Variants in AP3S2 observed in about 807,000 individuals in gnomAD.
AP3S2 encodes the protein AP-3 complex subunit sigma-2.
In AP3S2, 22 loss-of-function variants were observed where a neutral mutation model predicts 23.4. That is an observed-to-expected ratio of 0.94 (90% confidence interval 0.67 to 1.34). AP3S2 has a LOEUF of 1.34. Among genes scored for constraint, AP3S2 ranks in the 40% most tolerant of loss-of-function variants. The pLI, the probability that AP3S2 is intolerant of heterozygous loss-of-function variation, is 0.00. For missense variants in AP3S2, 241 were observed against 236.9 expected, an observed-to-expected ratio of 1.02 and a Z score of -0.11; for synonymous variants, 86 against 87.1, an observed-to-expected ratio of 0.99 and a Z score of 0.07.
intron 4 of AP3S2, among the ~76,000 whole-genome samples, chr15:89,856,586 C>T (rs1387487198): frequency 6.6e-6 from 1 of 151,800 alleles, no homozygotes; most frequent in Non-Finnish European, 1.5e-5. Context: ...CCTGTAATCC[C>T]AGCTACTCGG....
At chr15:89,878,635 A>G (rs1219785414) in intron 3 of AP3S2, among the ~76,000 whole-genome samples, 1 of 151,994 alleles carries the variant, frequency 6.6e-6, no homozygotes, top group East Asian at 1.9e-4. Flanking sequence ...ATCATAGCTC[A>G]CTGCAGCCCT....
intron 3 of AP3S2, among the ~76,000 whole-genome samples, chr15:89,881,698 T>C (rs1429286317): frequency 1.3e-5 from 2 of 152,166 alleles, no homozygotes; most frequent in Non-Finnish European, 2.9e-5. Context: ...GCATGATTAA[T>C]AAAAATTCAA....
At chr15:89,836,973 G>A (rs1356133527) in intron 5 of AP3S2, among the ~76,000 whole-genome samples, 1 of 152,164 alleles carries the variant, frequency 6.6e-6, no homozygotes, top group Non-Finnish European at 1.5e-5. Context: ...TTCTGCATGT[G>A]AAAGTATACG....
chr15:89,844,445 C>G (rs1299994852), intron 4 of AP3S2, among the ~76,000 whole-genome samples: 1 of 151,850 alleles, frequency 6.6e-6, no homozygotes, highest in African/African-American at 2.4e-5. Context: ...TCCAGCAATC[C>G]TCCTGCCTCA....
chr15:89,855,410 G>T (rs1895803282), intron 4 of AP3S2, among the ~76,000 whole-genome samples: 1 of 83,914 alleles, frequency 1.2e-5, no homozygotes, highest in African/African-American at 4.5e-5. Context: ...AGGGTCCTCT[G>T]CCTAGGAAAA....
chr15:89,846,619 C>G (rs562356876), intron 4 of AP3S2, among the ~76,000 whole-genome samples: 1 of 152,072 alleles, frequency 6.6e-6, no homozygotes, highest in Non-Finnish European at 1.5e-5. Context: ...ATCCGCCTCC[C>G]GGGTTCAAGC....
rs1895120964 is a variant in AP3S2, at chr15:89,833,361, A to C, written c.*2154T>G. ...TATCTATAAAAAAGAAGATGATAAC[A>C]TTGGGAGAAGCCATCTTAAGCAGCG... On this transcript the variant is annotated 3_prime_UTR_variant, in exon 6 of 6. Transcript: ENST00000336418. The C allele has an allele frequency of 6.6e-6, 1 of 152,202 alleles. No individual in the cohort carries two copies. Among genetic ancestry groups the C allele is most frequent in the African/African-American group, 2.4e-5 (1 of 41,440 alleles). 9.4% of individuals were successfully genotyped at this position (152,202 alleles called of 1,614,324 possible).
At chr15:89,845,559 A>T (rs569083324) in intron 4 of AP3S2, 1 of 152,366 alleles carries the variant, frequency 6.6e-6, no homozygotes, top group African/African-American at 2.4e-5. Context: ...AGAACTGGAG[A>T]TAGAGTCAGG....
intron 3 of AP3S2, 150 bp from the exon 4 acceptor site, chr15:89,871,696 G>C: frequency 1.3e-6 from 1 of 767,624 alleles, no homozygotes; most frequent in Non-Finnish European, 2.0e-6. Flanking sequence ...TTTGTCTCCA[G>C]CATTAGCTGA....
chr15:89,841,086 A>G (rs527252602), intron 4 of AP3S2, among the ~76,000 whole-genome samples: 5 of 152,352 alleles, frequency 3.3e-5, no homozygotes, highest in African/African-American at 1.2e-4. Flanking sequence ...GACTTCGAAG[A>G]TAGACAACAG....
intron 4 of AP3S2, among the ~76,000 whole-genome samples, chr15:89,844,227 CTTTCTTTCTT>C (rs1414890918): frequency 3.8e-5 from 2 of 52,746 alleles, no homozygotes; most frequent in Non-Finnish European, 7.8e-5. Flanking sequence ...TTCTTTCTTT[CTTTCTTTCTT>C]TCTTTCTTTC....
At position 89,832,088 on chromosome 15, in the gene AP3S2, G is replaced by A. The variant is rs1233923701; in HGVS notation, c.*3427C>T. 1.3e-5 allele frequency: 2 copies of A among 152,130 alleles called. No individual in the cohort carries two copies. The highest frequency in any genetic ancestry group is 4.8e-5 in the African/African-American group (2 of 41,404). 9.4% of individuals were successfully genotyped at this position (152,130 alleles called of 1,614,324 possible). On this transcript the variant is annotated 3_prime_UTR_variant, in exon 6 of 6. Coordinates refer to ENST00000336418, the MANE Select transcript of AP3S2 (RefSeq NM_005829.5). ...CTAGAACTGAGCTTGGCCCTCACCA[G>A]GCACTTAGAAATTGCATAATGAAAG... is the stretch of plus-strand genomic sequence containing the variant.
chr15:89,842,380 C>G (rs1025511833), intron 4 of AP3S2, among the ~76,000 whole-genome samples: 1 of 152,126 alleles, frequency 6.6e-6, no homozygotes, highest in African/African-American at 2.4e-5. Context: ...GGATTGGGGT[C>G]TACACACTGA....
At chr15:89,846,715 A>G (rs1397153472) in intron 4 of AP3S2, among the ~76,000 whole-genome samples, 2 of 152,086 alleles carry the variant, frequency 1.3e-5, no homozygotes, top group African/African-American at 4.8e-5. Context: ...TTTAGTAGAG[A>G]CAGGGTTTCA....
At position 89,837,733 on chromosome 15, in the gene AP3S2, A is replaced by G. The variant is rs1895230691; in HGVS notation, c.346-11T>C. 2 of 1,613,830 alleles carry G rather than the reference A, an allele frequency of 1.2e-6. No homozygotes were observed. The highest frequency in any genetic ancestry group is 3.3e-5 in the Admixed American group (2 of 59,996). On this transcript the variant is annotated splice_polypyrimidine_tract_variant and intron_variant, in intron 4 of 5. Transcript: ENST00000336418. ...GAGGATGTAGTGCACCTAAAAGGGAAGCAAAAATCAGGAGTCAGAATACTC... is the reference window on the plus strand; with the variant it reads ...GAGGATGTAGTGCACCTAAAAGGGAGGCAAAAATCAGGAGTCAGAATACTC...
At chr15:89,870,373 A>C (rs1896290122) in intron 4 of AP3S2, among the ~76,000 whole-genome samples, 1 of 152,194 alleles carries the variant, frequency 6.6e-6, no homozygotes, top group Admixed American at 6.5e-5. Context: ...TGAGGTTGTC[A>C]GGGAGTCCAA....
At chr15:89,868,629 G>A (rs1288526211) in intron 4 of AP3S2, among the ~76,000 whole-genome samples, 70 of 117,084 alleles carry the variant, frequency 6.0e-4, no homozygotes, top group African/African-American at 2.0e-3. Flanking sequence ...CCTCTGCCCG[G>A]CCGCCCCTAC....
chr15:89,885,327 C>A (rs1896671919), intron 3 of AP3S2, among the ~76,000 whole-genome samples: 1 of 152,032 alleles, frequency 6.6e-6, no homozygotes, highest in Non-Finnish European at 1.5e-5. Context: ...CCCAAACAGC[C>A]AAGCAGCTGG....
chr15:89,849,117 G>C (rs1567175312), intron 4 of AP3S2: 1 of 152,186 alleles, frequency 6.6e-6, no homozygotes, highest in Non-Finnish European at 1.5e-5. Flanking sequence ...TGTAACTACA[G>C]TGAACAACAT....
Sources: allele counts gnomAD v4.1 joint callset (sites outside exome capture counted in the v4.1 genomes callset), GRCh38; gene constraint gnomAD v4.1.1; transcripts MANE v1.5; gene names NCBI Gene and HGNC (gene_info 2026-07-23, HGNC 2026-07-21).